KANK1: variants seen among roughly 807,000 people sequenced by gnomAD.
KANK1 encodes the protein KN motif and ankyrin repeat domain-containing protein 1.
Under a neutral mutation model 106.2 loss-of-function variants are expected in KANK1, and 109 were observed. That is an observed-to-expected ratio of 1.03 (90% CI 0.88 to 1.20). The LOEUF (loss-of-function observed/expected upper bound fraction) is 1.20. KANK1 is among the 50% of genes most tolerant of loss of function. The pLI is 0.00. For missense variants in KANK1, 2,399 were observed against 1,710.7 expected (o/e 1.40, Z -7.10); for synonymous variants, 873 against 652.2 (o/e 1.34, Z -5.16).
intron 2 of KANK1, among the ~76,000 whole-genome samples, chr9:695,617 G>T (rs929690551): frequency 1.3e-5 from 2 of 148,360 alleles, no homozygotes. Flanking sequence ...GTGGGGGGGG[G>T]GGCAAGGTAT....
At chr9:744,708 A>AGTCTG (rs1372992219) in intron 11 of KANK1, 119 bp downstream of exon 11, 2 of 1,581,728 alleles carry the variant, frequency 1.3e-6, no homozygotes, top group South Asian at 2.3e-5. Context: ...TGGAAGTTTT[A>AGTCTG]GTCTGGAGCT....
intron 1 of KANK1, among the ~76,000 whole-genome samples, chr9:558,535 G>A (rs1308970926): frequency 6.6e-6 from 1 of 152,182 alleles, no homozygotes; most frequent in East Asian, 1.9e-4. Context: ...ATGGCGAAGA[G>A]CACTGTATCT....
intron 1 of KANK1, among the ~76,000 whole-genome samples, chr9:563,600 A>G (rs1266575901): frequency 2.6e-5 from 4 of 152,346 alleles, no homozygotes; most frequent in East Asian, 3.9e-4. Context: ...GTGTGTGTCT[A>G]TATTTTCAAA....
chr9:689,921 G>A (rs982333732), intron 2 of KANK1, among the ~76,000 whole-genome samples: 4 of 151,946 alleles, frequency 2.6e-5, no homozygotes, highest in African/African-American at 9.7e-5. Flanking sequence ...AGCCAGAAAG[G>A]GTGGGAGGAA....
At chr9:490,148 C>T (rs190048019) in intron 3 of KANK1, among the ~76,000 whole-genome samples, 158 of 152,282 alleles carry the variant, frequency 1.0e-3, no homozygotes, top group African/African-American at 3.8e-3. Flanking sequence ...AAGTTAAAGG[C>T]ATCTTCTTCT....
chr9:503,903 G>T (rs1305415303), upstream of KANK1, among the ~76,000 whole-genome samples: 1 of 152,186 alleles, frequency 6.6e-6, no homozygotes, highest in Non-Finnish European at 1.5e-5. Context: ...TGGGTCTTCT[G>T]TGGAGTCCCC....
intron 1 of KANK1, among the ~76,000 whole-genome samples, chr9:577,332 C>G (rs1291213814): frequency 6.6e-6 from 1 of 151,942 alleles, no homozygotes; most frequent in Non-Finnish European, 1.5e-5. Context: ...TGTGTTATTA[C>G]AGAGTGCTGA....
In KANK1 at chr9:711,086, T is replaced by C. The variant is rs1772460873; in HGVS notation, c.320T>C (p.Leu107Pro). 1 of 1,614,018 alleles carries C rather than the reference T, an allele frequency of 6.2e-7. No homozygotes were observed. Among genetic ancestry groups the C allele is most frequent in the Middle Eastern group, 1.6e-4 (1 of 6,084 alleles). ...SDDNKQCPNF[L>P]IARSQVTSTP... The stretch of plus-strand genomic sequence containing the variant: ...GACAACAAGCAGTGCCCCAACTTCC[T>C]CATAGCCAGAAGTCAAGTTACATCA... Residue 107 changes from leucine (L) to proline (P), a missense_variant, in exon 3 of 12, where the codon CTC becomes CCC. Coordinates refer to ENST00000382297, the MANE Select transcript of KANK1 (RefSeq NM_015158.5).
intron 1 of KANK1, among the ~76,000 whole-genome samples, chr9:542,961 A>G (rs182354100): frequency 3.3e-4 from 50 of 152,178 alleles, no homozygotes; most frequent in Admixed American, 2.8e-3. Flanking sequence ...TGTTCTGGAG[A>G]TCTATTGTAC....
At chr9:622,966 CAG>C (rs1164327170) in intron 1 of KANK1, among the ~76,000 whole-genome samples, 3 of 151,926 alleles carry the variant, frequency 2.0e-5, no homozygotes, top group East Asian at 1.9e-4. Context: ...GAAGAAAACA[CAG>C]GGGAAAAAAG....
chr9:726,712 C>G lies in KANK1; in HGVS notation c.2699-3339C>G, dbSNP rs1303354650. ...TGGTGGCTCATGCCTATAATCCCAACGCTTTGGGAGGTCAAGGCGGGCAGA... is the reference window on the plus strand; with the variant it reads ...TGGTGGCTCATGCCTATAATCCCAAGGCTTTGGGAGGTCAAGGCGGGCAGA... On this transcript the variant is annotated intron_variant, in intron 3 of 11. Coordinates refer to ENST00000382297, the MANE Select transcript of KANK1 (RefSeq NM_015158.5). Among the ~76,000 whole-genome samples the G allele has an allele frequency of 2.6e-5, 4 of 152,108 alleles. No homozygotes were observed. The East Asian group carries it at 7.7e-4, about 29-fold the overall frequency.
chr9:628,441 C>A (rs572308299), intron 1 of KANK1, among the ~76,000 whole-genome samples: 2 of 152,138 alleles, frequency 1.3e-5, no homozygotes, highest in Non-Finnish European at 2.9e-5. Flanking sequence ...CACAGATGTA[C>A]GTATTTTAAT....
chr9:507,323 C>G (rs2058806604), intron 1 of KANK1, among the ~76,000 whole-genome samples: 1 of 152,016 alleles, frequency 6.6e-6, no homozygotes, highest in Admixed American at 6.6e-5. Flanking sequence ...CCACTGCACT[C>G]CAGCCTAGAT....
chr9:645,573 G>T (rs1412648042), intron 1 of KANK1, among the ~76,000 whole-genome samples: 1 of 150,182 alleles, frequency 6.7e-6, no homozygotes, highest in Non-Finnish European at 1.5e-5. Flanking sequence ...ATACATTAGG[G>T]ATTTCATTTT....
At chr9:533,921 C>T (rs1443229190) in intron 1 of KANK1, among the ~76,000 whole-genome samples, 1 of 152,150 alleles carries the variant, frequency 6.6e-6, no homozygotes, top group East Asian at 1.9e-4. Flanking sequence ...TTATCTTTTA[C>T]GAGGACCTGG....
At chr9:510,781 G>C (rs2058995363) in intron 1 of KANK1, among the ~76,000 whole-genome samples, 1 of 152,156 alleles carries the variant, frequency 6.6e-6, no homozygotes, top group South Asian at 2.1e-4. Context: ...AGCATCATGG[G>C]GTTTAATGGT....
At chr9:495,171 G>C (rs907210152) in intron 3 of KANK1, 4 of 152,104 alleles carry the variant, frequency 2.6e-5, no homozygotes, top group African/African-American at 9.7e-5. Context: ...GCAGAATTTC[G>C]GAGAAGGTCC....
intron 2 of KANK1, among the ~76,000 whole-genome samples, chr9:689,904 T>C (rs1819467613): frequency 6.6e-6 from 1 of 152,046 alleles, no homozygotes; most frequent in South Asian, 2.1e-4. Flanking sequence ...CAAGGTAAGC[T>C]TACCTGAGCC....
chr9:488,287 C>CA (rs1425689059), intron 3 of KANK1, among the ~76,000 whole-genome samples: 1 of 151,990 alleles, frequency 6.6e-6, no homozygotes, highest in Non-Finnish European at 1.5e-5. Flanking sequence ...ATGTGTGGCT[C>CA]AAAGAGGAGA....
Sources: gnomAD v4.1 joint callset for allele counts (sites outside exome capture counted in the v4.1 genomes callset) on GRCh38, gnomAD v4.1.1 for gene constraint, MANE v1.5 for transcripts, NCBI Gene and HGNC (gene_info 2026-07-23, HGNC 2026-07-21) for gene names.